Variants in DCAF6 observed in about 807,000 individuals in gnomAD.
DCAF6 encodes the protein DDB1- and CUL4-associated factor 6.
DCAF6 carries 54 observed loss-of-function variants against 125.1 expected under a neutral mutation model. That is an observed-to-expected ratio of 0.43 (90% CI 0.35 to 0.54). DCAF6 has a LOEUF of 0.54. Among genes scored for constraint, DCAF6 ranks in the 20% least tolerant of loss-of-function variants. The pLI, the probability that DCAF6 is intolerant of heterozygous loss-of-function variation, is 0.01. For missense variants in DCAF6, 934 were observed against 1,161.7 expected (o/e 0.80, Z 2.85); for synonymous variants, 371 against 390.4 (o/e 0.95, Z 0.58).
At chr1:167,872,625 T>C in the DCAF6 span, among the ~76,000 whole-genome samples, 1 of 151,818 alleles carries the variant, frequency 6.6e-6, no homozygotes, top group Non-Finnish European at 1.5e-5. Flanking sequence ...TGCAATTTCA[T>C]TTATAGCAGC....
intron 2 of DCAF6, among the ~76,000 whole-genome samples, chr1:167,965,482 A>G (rs1385900570): frequency 6.6e-6 from 1 of 152,178 alleles, no homozygotes; most frequent in Non-Finnish European, 1.5e-5. Flanking sequence ...GATACCCAAA[A>G]TGGTTTCTTT....
intron 5 of DCAF6, among the ~76,000 whole-genome samples, chr1:167,988,899 T>G (rs1363654093): frequency 6.6e-6 from 1 of 151,932 alleles, no homozygotes; most frequent in African/African-American, 2.4e-5. Flanking sequence ...GTCAACATAG[T>G]GAAACCCTGT....
the DCAF6 span, among the ~76,000 whole-genome samples, chr1:167,905,582 T>C: frequency 2.0e-5 from 3 of 150,950 alleles, no homozygotes; most frequent in South Asian, 2.1e-4. Flanking sequence ...CCTTGGTCTT[T>C]TACTTTTTTC....
upstream of DCAF6, chr1:167,935,712 G>C: frequency 6.5e-7 from 1 of 1,544,226 alleles, no homozygotes; most frequent in Non-Finnish European, 8.8e-7. Context: ...TCTCGATAAG[G>C]AGCCATTCAG....
At chr1:168,041,855 ATAT>A (rs1311094867) in intron 13 of DCAF6, among the ~76,000 whole-genome samples, 1 of 151,154 alleles carries the variant, frequency 6.6e-6, no homozygotes, top group Admixed American at 6.6e-5. Context: ...AAATAGCTAT[ATAT>A]TCCTTTCTGG....
chr1:167,905,122 C>T, the DCAF6 span: 1 of 1,614,176 alleles, frequency 6.2e-7, no homozygotes, highest in Non-Finnish European at 8.5e-7. Context: ...TCCTGGAATT[C>T]TTCTTTTGGA....
chr1:167,931,924 ATAT>A (rs1008897061), upstream of DCAF6, among the ~76,000 whole-genome samples: 5 of 152,184 alleles, frequency 3.3e-5, no homozygotes, highest in Non-Finnish European at 7.4e-5. Flanking sequence ...AAAAATGCAA[ATAT>A]TATTCTTATT....
intron 3 of DCAF6, among the ~76,000 whole-genome samples, chr1:167,967,876 G>T (rs1351768927): frequency 6.6e-6 from 1 of 151,820 alleles, no homozygotes; most frequent in Non-Finnish European, 1.5e-5. Context: ...GATTACAGGT[G>T]TGTGCCACCA....
intron 17 of DCAF6, among the ~76,000 whole-genome samples, chr1:168,053,963 A>C (rs979725774): frequency 6.6e-6 from 1 of 152,088 alleles, no homozygotes; most frequent in Non-Finnish European, 1.5e-5. Context: ...ACCTTTATTT[A>C]CTAATACATT....
At chr1:168,068,266 G>T (rs1692596014) in intron 20 of DCAF6, 92 bp from the exon 21 acceptor site, 4 of 789,596 alleles carry the variant, frequency 5.1e-6, no homozygotes, top group Middle Eastern at 2.3e-4. Context: ...ATTCCTCCTG[G>T]TACTGGCTGA....
At chr1:168,063,792 T>A (rs374155148) in intron 18 of DCAF6, 33 bp downstream of exon 18, 2 of 1,590,856 alleles carry the variant, frequency 1.3e-6, no homozygotes, top group African/African-American at 2.7e-5. Flanking sequence ...TTTGGTGAAA[T>A]TGCAGTTTCA....
the DCAF6 span, chr1:167,883,355 G>T: frequency 6.7e-7 from 1 of 1,491,884 alleles, no homozygotes; most frequent in Non-Finnish European, 9.3e-7. Context: ...TAAATTTCCT[G>T]TGTCTATTCT....
At chr1:168,056,389 G>C (rs1181739049) in intron 17 of DCAF6, 1 of 1,442,114 alleles carries the variant, frequency 6.9e-7, no homozygotes, top group African/African-American at 2.1e-5. Context: ...GTGCAGAGCA[G>C]GGCCCGCACG....
At chr1:167,994,414 A>G (rs1404036225) in intron 7 of DCAF6, among the ~76,000 whole-genome samples, 1 of 152,150 alleles carries the variant, frequency 6.6e-6, no homozygotes, top group Admixed American at 6.5e-5. Context: ...AGTTTTACGT[A>G]TTACCATTTA....
rs187573559 is a variant in DCAF6 at position 168,046,240 on chromosome 1, T to A, written c.2258+1013T>A. ...TTATCTAAAATTATTGTAAGAATTT[T>A]AAAAAAATCTATCAGTCAATCATGA... On this transcript the variant is annotated intron_variant, in intron 16 of 21. Transcript: ENST00000367840. 3.9e-3 allele frequency among the ~76,000 whole-genome samples: 587 copies of A among 152,210 alleles called. 11 individuals carry two copies. Among genetic ancestry groups the A allele is most frequent in the Non-Finnish European group, 5.7e-4 (39 of 67,980 alleles).
chr1:167,994,571 T>G (rs1222862501), intron 7 of DCAF6, among the ~76,000 whole-genome samples: 1 of 152,184 alleles, frequency 6.6e-6, no homozygotes, highest in African/African-American at 2.4e-5. Flanking sequence ...TTGTATATAT[T>G]GAAAAGTAGG....
intron 21 of DCAF6, among the ~76,000 whole-genome samples, chr1:168,072,593 T>C (rs1419997048): frequency 1.3e-5 from 2 of 152,246 alleles, no homozygotes; most frequent in African/African-American, 4.8e-5. Context: ...GCTGGGTCTT[T>C]AGGCTCCTAA....
the DCAF6 span, chr1:167,924,430 T>A: frequency 7.3e-7 from 1 of 1,362,040 alleles, no homozygotes; most frequent in Non-Finnish European, 1.0e-6. Context: ...TAAAAGTTAC[T>A]TCAAATTAGT....
chr1:167,885,161 T>C, the DCAF6 span, among the ~76,000 whole-genome samples: 7 of 152,260 alleles, frequency 4.6e-5, no homozygotes, highest in African/African-American at 1.4e-4. Flanking sequence ...TGTGTATATG[T>C]ACCACATTTT....
Sources: allele counts gnomAD v4.1 joint callset (sites outside exome capture counted in the v4.1 genomes callset), GRCh38; gene constraint gnomAD v4.1.1; transcripts MANE v1.5; gene names NCBI Gene and HGNC (gene_info 2026-07-23, HGNC 2026-07-21).